The following TENM2 variants were observed in gnomAD, a reference collection of about 807,000 sequenced individuals.
TENM2 encodes teneurin transmembrane protein 2.
TENM2 carries 52 observed loss-of-function variants against 245.2 expected under a neutral mutation model. That is an observed-to-expected ratio of 0.21 (90% CI 0.17 to 0.27). The LOEUF is 0.27. Ranked by LOEUF, TENM2 falls within the 10% of genes least tolerant of loss-of-function variation. The probability of loss-of-function intolerance (pLI) is 1.00; values close to 1 mark genes in which losing one functional copy is unlikely to be tolerated. For missense variants in TENM2, 3,046 were observed against 3,666.8 expected, an observed-to-expected ratio of 0.83 and a Z score of 4.37; for synonymous variants, 1,363 against 1,438.9, an observed-to-expected ratio of 0.95 and a Z score of 1.19.
intron 1 of TENM2, among the ~76,000 whole-genome samples, chr5:167,331,516 C>T (rs1420797030): frequency 6.6e-6 from 1 of 152,090 alleles, no homozygotes; most frequent in Admixed American, 6.5e-5. Context: ...TCTCTTCATC[C>T]CACTTGAGAA....
At chr5:168,074,893 C>T (rs1791330664) in intron 7 of TENM2, among the ~76,000 whole-genome samples, 1 of 152,216 alleles carries the variant, frequency 6.6e-6, no homozygotes, top group Middle Eastern at 3.4e-3. Context: ...TTTCTTAAAT[C>T]AACTTAATTT....
At chr5:167,445,496 G>A (rs79507706) in intron 2 of TENM2, among the ~76,000 whole-genome samples, 12,767 of 151,988 alleles carry the variant, frequency 0.084, 745 homozygotes, top group Middle Eastern at 0.21. Flanking sequence ...AAGCCGCATA[G>A]CAATTTTATC....
In TENM2 at chr5:167,825,528, A is replaced by T. The variant is rs1767898800; in HGVS notation, c.503-50458A>T. 3.3e-5 allele frequency among the ~76,000 whole-genome samples: 5 copies of T among 151,450 alleles called. No individual in the cohort carries two copies. In the South Asian group the frequency reaches 1.0e-3, roughly 32 times the overall value. ...TTTCATCTTCATCTCCTAGACCTTA[A>T]CTCATCTGCTACCATTTGACTGGCA... On this transcript the variant is annotated intron_variant, in intron 2 of 28. Coordinates refer to ENST00000518659, the Ensembl canonical transcript of TENM2.
At chr5:167,771,510 T>G (rs1315030584) in intron 2 of TENM2, among the ~76,000 whole-genome samples, 1 of 152,188 alleles carries the variant, frequency 6.6e-6, no homozygotes, top group African/African-American at 2.4e-5. Flanking sequence ...AGGGTTTTGT[T>G]TGTTATTTTG....
chr5:167,085,129 G>A, the TENM2 span, among the ~76,000 whole-genome samples: 2 of 152,152 alleles, frequency 1.3e-5, no homozygotes, highest in Non-Finnish European at 2.9e-5. Flanking sequence ...CTTCATGAAA[G>A]CTCAACATAA....
upstream of TENM2, among the ~76,000 whole-genome samples, chr5:167,282,372 G>A (rs1771112557): frequency 6.6e-6 from 1 of 152,160 alleles, no homozygotes. Flanking sequence ...AGAACTGTGA[G>A]TTTCAGGGAT....
chr5:167,856,165 A>G (rs1055129349), intron 2 of TENM2, among the ~76,000 whole-genome samples: 2 of 152,104 alleles, frequency 1.3e-5, no homozygotes, highest in Non-Finnish European at 2.9e-5. Flanking sequence ...GTTTTCTGGG[A>G]TCATAGGAGA....
At chr5:167,185,195 T>C in the TENM2 span, among the ~76,000 whole-genome samples, 14 of 152,164 alleles carry the variant, frequency 9.2e-5, 1 homozygote, top group Admixed American at 9.2e-4. Flanking sequence ...CTGATTTCAC[T>C]GTTGCATGAC....
Position 167,458,133 on chromosome 5 carries a change from G to C in TENM2, c.502+82660G>C, listed in dbSNP as rs919911392. 1.4e-4 allele frequency among the ~76,000 whole-genome samples: 21 copies of C among 151,876 alleles called. 1 individual carries two copies. The highest frequency in any genetic ancestry group is 5.1e-4 in the African/African-American group (21 of 41,366). On this transcript the variant is annotated intron_variant, in intron 2 of 28. Transcript: ENST00000518659. ...TTTAAATTATTTAAAAATAAACATT[G>C]TTATACACAATAAATAAGAAACTAA...
At chr5:167,839,038 A>G (rs982243910) in intron 2 of TENM2, among the ~76,000 whole-genome samples, 7 of 152,224 alleles carry the variant, frequency 4.6e-5, no homozygotes, top group African/African-American at 1.7e-4. Flanking sequence ...ATCAAATGAA[A>G]TGACACAGGT....
Position 168,055,193 on chromosome 5 carries a change from C to A in TENM2, c.1310-6867C>A, listed in dbSNP as rs139143184. ...TCATAGGACGCTGGACAACAGGCTG[C>A]CTAGATAAGAGATAATGGGAATACA... On this transcript the variant is annotated intron_variant, in intron 6 of 28. Transcript: ENST00000518659. Among the ~76,000 whole-genome samples the A allele has an allele frequency of 8.4e-3, 1,284 of 152,154 alleles. 22 individuals carry two copies. Among genetic ancestry groups the A allele is most frequent in the African/African-American group, 0.029 (1,224 of 41,494 alleles).
intron 9 of TENM2, among the ~76,000 whole-genome samples, chr5:168,101,564 C>T (rs565834428): frequency 3.3e-4 from 50 of 152,212 alleles, no homozygotes; most frequent in Non-Finnish European, 5.6e-4. Flanking sequence ...TGTGGCAGGG[C>T]GCACACTGCA....
intron 1 of TENM2, among the ~76,000 whole-genome samples, chr5:167,297,877 G>A (rs1292510814): frequency 1.3e-5 from 2 of 152,100 alleles, no homozygotes; most frequent in African/African-American, 2.4e-5. Context: ...GGATGAGCCA[G>A]GAGAAGGAAT....
chr5:167,911,399 C>A (rs896633739), intron 3 of TENM2, among the ~76,000 whole-genome samples: 2 of 152,084 alleles, frequency 1.3e-5, no homozygotes, highest in African/African-American at 2.4e-5. Flanking sequence ...TGGTGGCGGG[C>A]GCCTGTAGTC....
chr5:167,900,135 G>GAAAA (rs1266899709), intron 3 of TENM2, among the ~76,000 whole-genome samples: 89 of 77,904 alleles, frequency 1.1e-3, no homozygotes, highest in African/African-American at 4.6e-3. Context: ...AAAAAAAAAG[G>GAAAA]GGGGGGGGGT....
chr5:168,167,791 C>T (rs1201157406), intron 13 of TENM2, among the ~76,000 whole-genome samples: 3 of 152,144 alleles, frequency 2.0e-5, no homozygotes, highest in Non-Finnish European at 4.4e-5. Flanking sequence ...AGTCACTTTG[C>T]TTCTCAAAGT....
Position 168,071,545 on chromosome 5 carries a change from A to T in TENM2, c.1515+9280A>T, listed in dbSNP as rs766986436. ...TGAGTCTTTGCTTAATAATAGATGG[A>T]GGACATCTTTCCAAGTCTGAATATT... On this transcript the variant is annotated intron_variant, in intron 7 of 28. Coordinates refer to ENST00000518659, the Ensembl canonical transcript of TENM2. 7.2e-5 allele frequency among the ~76,000 whole-genome samples: 11 copies of T among 152,208 alleles called. 1 individual carries two copies. Among genetic ancestry groups the T allele is most frequent in the African/African-American group, 1.4e-4 (6 of 41,460 alleles).
chr5:167,843,408 G>A (rs138971991), intron 2 of TENM2, among the ~76,000 whole-genome samples: 7 of 152,198 alleles, frequency 4.6e-5, no homozygotes, highest in African/African-American at 1.7e-4. Flanking sequence ...CATCCATTTC[G>A]AATTAATCAT....
At chr5:167,044,036 A>AGGAAGGAAGGAAGGAAGGAAGGAAGGAAG in the TENM2 span, among the ~76,000 whole-genome samples, 1 of 128,514 alleles carries the variant, frequency 7.8e-6, no homozygotes, top group African/African-American at 3.2e-5. Context: ...TAGTAAGGAC[A>AGGAAGGAAGGAAGGAAGGAAGGAAGGAAG]GAAGGAAGGA....
Sources: allele counts gnomAD v4.1 joint callset (sites outside exome capture counted in the v4.1 genomes callset), GRCh38; gene constraint gnomAD v4.1.1; transcripts MANE v1.5; gene names NCBI Gene and HGNC (gene_info 2026-07-23, HGNC 2026-07-21).